ANO4: variants seen among roughly 807,000 people sequenced by gnomAD.
ANO4 encodes the protein anoctamin 4, also known as anoctamin-4.
Under a neutral mutation model 141.9 loss-of-function variants are expected in ANO4, and 69 were observed. The observed-to-expected ratio is 0.49, with a 90% CI of 0.40 to 0.59. The LOEUF (loss-of-function observed/expected upper bound fraction) is 0.59. Among genes scored for constraint, ANO4 ranks in the 20% least tolerant of loss-of-function variants. The probability of loss-of-function intolerance (pLI) is 0.00; values close to 1 mark genes in which losing one functional copy is unlikely to be tolerated. For missense variants in ANO4, 894 were observed against 1,162.2 expected (o/e 0.77, Z 3.36); for synonymous variants, 350 against 394.3 (o/e 0.89, Z 1.33).
intron 25 of ANO4, among the ~76,000 whole-genome samples, chr12:101,120,200 T>A (rs2051027875): frequency 6.6e-6 from 1 of 152,198 alleles, no homozygotes; most frequent in African/African-American, 2.4e-5. Context: ...TTTTGCCTTC[T>A]GTGGGCTTAG....
At chr12:101,049,253 A>G (rs2047759802) in intron 14 of ANO4, among the ~76,000 whole-genome samples, 1 of 152,096 alleles carries the variant, frequency 6.6e-6, no homozygotes, top group South Asian at 2.1e-4. Context: ...AAATTCTACT[A>G]CCTTTAGACT....
chr12:101,071,550 T>TG (rs1593189820), intron 14 of ANO4, among the ~76,000 whole-genome samples: 1 of 149,234 alleles, frequency 6.7e-6, no homozygotes, highest in Admixed American at 6.7e-5. Context: ...ATAGTGTGGT[T>TG]GGGGGTGGAG....
Position 100,944,216 on chromosome 12 carries a change from G to A in ANO4, c.456+1681G>A, listed in dbSNP as rs537951492. Among the ~76,000 whole-genome samples the A allele has an allele frequency of 5.9e-5, 9 of 152,248 alleles. 1 individual carries two copies. The highest frequency in any genetic ancestry group is 1.9e-4 in the African/African-American group (8 of 41,552). On this transcript the variant is annotated intron_variant, in intron 5 of 27. Transcript: ENST00000392977. The stretch of plus-strand genomic sequence containing the variant: ...AAAGTGTCCTGTTGTGTATCCTAAA[G>A]CATCACCTGTACTGCAGTGTTTAGC...
intron 5 of ANO4, among the ~76,000 whole-genome samples, chr12:100,943,946 G>A (rs1267394512): frequency 6.6e-6 from 1 of 151,954 alleles, no homozygotes; most frequent in Non-Finnish European, 1.5e-5. Context: ...GATCTGAATT[G>A]CTACTTAATC....
At chr12:100,800,283 T>C (rs1417879935) in intron 1 of ANO4, among the ~76,000 whole-genome samples, 1 of 152,196 alleles carries the variant, frequency 6.6e-6, no homozygotes, top group Non-Finnish European at 1.5e-5. Context: ...GAGCACCTAT[T>C]GTGTCCACCC....
chr12:100,910,736 C>T (rs1442103145), intron 2 of ANO4, among the ~76,000 whole-genome samples: 2 of 152,108 alleles, frequency 1.3e-5, no homozygotes, highest in African/African-American at 4.8e-5. Context: ...AATACTTCTT[C>T]TATTGCTTTT....
intron 1 of ANO4, among the ~76,000 whole-genome samples, chr12:100,817,962 G>A (rs1372724575): frequency 4.0e-5 from 6 of 151,658 alleles, no homozygotes; most frequent in East Asian, 1.9e-4. Flanking sequence ...ATAGACACTT[G>A]TGAAGACAAT....
chr12:100,886,074 ACT>A (rs2039811364), intron 1 of ANO4, among the ~76,000 whole-genome samples: 1 of 132,068 alleles, frequency 7.6e-6, no homozygotes, highest in Non-Finnish European at 1.6e-5. Flanking sequence ...AATACTAAAG[ACT>A]CTACTTTCAA....
intron 22 of ANO4, 132 bp downstream of exon 22, chr12:101,099,852 A>G: frequency 1.5e-6 from 1 of 664,928 alleles, no homozygotes; most frequent in South Asian, 3.5e-5. Flanking sequence ...AGAGGAAGGC[A>G]TGTCCTGCTT....
intron 22 of ANO4, among the ~76,000 whole-genome samples, chr12:101,103,183 TTATATATATATATATATATATA>T (rs71091476): frequency 5.4e-5 from 1 of 18,582 alleles, no homozygotes; most frequent in Non-Finnish European, 9.6e-5. Flanking sequence ...TTTAGTCATT[TTATATATATATATATATATATA>T]TATATATATA....
At chr12:100,851,774 A>G (rs1288861353) in intron 1 of ANO4, among the ~76,000 whole-genome samples, 2 of 152,150 alleles carry the variant, frequency 1.3e-5, no homozygotes, top group Admixed American at 1.3e-4. Flanking sequence ...CTCGCTTACC[A>G]GATGCACCTG....
At chr12:101,094,576 TA>T (rs1265676963) in intron 18 of ANO4, among the ~76,000 whole-genome samples, 1 of 152,226 alleles carries the variant, frequency 6.6e-6, no homozygotes, top group Admixed American at 6.5e-5. Flanking sequence ...TACATTTGTA[TA>T]AAGTATCCAG....
intron 3 of ANO4, among the ~76,000 whole-genome samples, chr12:100,743,111 A>C (rs1255938912): frequency 6.6e-6 from 1 of 151,544 alleles, no homozygotes; most frequent in African/African-American, 2.4e-5. Flanking sequence ...CCTCTATCTC[A>C]GGAGCTCAGA....
At chr12:101,041,717 T>G (rs766926422) in intron 11 of ANO4, among the ~76,000 whole-genome samples, 3 of 152,152 alleles carry the variant, frequency 2.0e-5, no homozygotes, top group Non-Finnish European at 4.4e-5. Context: ...CCATGCATAA[T>G]TAGGTAAAAT....
intron 1 of ANO4, among the ~76,000 whole-genome samples, chr12:100,857,120 C>T (rs1159839478): frequency 6.6e-6 from 1 of 152,104 alleles, no homozygotes; most frequent in Non-Finnish European, 1.5e-5. Context: ...CTCAAATGTT[C>T]CTGAAATGCC....
At chr12:100,960,715 T>C (rs12830193) in intron 5 of ANO4, among the ~76,000 whole-genome samples, 25,361 of 152,152 alleles carry the variant, frequency 0.17, 2,435 homozygotes, top group East Asian at 0.42. Flanking sequence ...GCTTATTTCA[T>C]GGCTGTTAAT....
chr12:101,074,174 A>G (rs958175306), intron 14 of ANO4, among the ~76,000 whole-genome samples: 1 of 152,174 alleles, frequency 6.6e-6, no homozygotes, highest in African/African-American at 2.4e-5. Flanking sequence ...CTGTAGCACA[A>G]AGGCAGTGGC....
chr12:101,122,856 A>G (rs1445284589), intron 26 of ANO4, among the ~76,000 whole-genome samples: 15 of 152,198 alleles, frequency 9.9e-5, no homozygotes, highest in African/African-American at 3.6e-4. Flanking sequence ...GTGTATCATC[A>G]CGGAATTATT....
chr12:100,825,583 TAAG>T (rs1253434706), intron 1 of ANO4, among the ~76,000 whole-genome samples: 6 of 152,012 alleles, frequency 3.9e-5, no homozygotes, highest in African/African-American at 1.4e-4. Flanking sequence ...GATTCTGTAG[TAAG>T]AAGAACTAGG....
Sources: allele counts gnomAD v4.1 joint callset (sites outside exome capture counted in the v4.1 genomes callset), GRCh38; gene constraint gnomAD v4.1.1; transcripts MANE v1.5; gene names NCBI Gene and HGNC (gene_info 2026-07-23, HGNC 2026-07-21).